NWD2: variants seen among roughly 807,000 people sequenced by gnomAD.
NWD2 encodes NACHT and WD repeat domain-containing protein 2.
NWD2 carries 37 observed loss-of-function variants against 132.7 expected under a neutral mutation model. The ratio of observed to expected loss-of-function variants is 0.28; its 90% CI spans 0.21 to 0.37. The LOEUF is 0.37. Ranked by LOEUF, NWD2 falls within the 10% of genes least tolerant of loss-of-function variation. The pLI, the probability that NWD2 is intolerant of heterozygous loss-of-function variation, is 1.00. For synonymous variants in NWD2, 705 were observed against 803.0 expected (o/e 0.88, Z 2.06); for missense variants, 1,592 against 2,122.4 (o/e 0.75, Z 4.91).
chr4:37,421,305 A>C (rs1314289291), intron 3 of NWD2, among the ~76,000 whole-genome samples: 4 of 152,210 alleles, frequency 2.6e-5, no homozygotes, highest in Non-Finnish European at 5.9e-5. Context: ...TTTGGAGGTA[A>C]TGTAAGCTAA....
intron 2 of NWD2, among the ~76,000 whole-genome samples, chr4:37,338,285 A>G (rs1489090950): frequency 6.6e-6 from 1 of 152,254 alleles, no homozygotes; most frequent in Non-Finnish European, 1.5e-5. Context: ...CCCAGCCGTG[A>G]CTGCCACTAG....
At chr4:37,249,399 T>C (rs1467969394) in intron 1 of NWD2, among the ~76,000 whole-genome samples, 1 of 152,210 alleles carries the variant, frequency 6.6e-6, no homozygotes, top group African/African-American at 2.4e-5. Flanking sequence ...TTTCCCAATA[T>C]TGAACCCAAG....
chr4:37,421,665 A>G (rs1351303), intron 3 of NWD2, among the ~76,000 whole-genome samples: 35,631 of 152,178 alleles, frequency 0.23, 4,988 homozygotes, highest in Middle Eastern at 0.32. Context: ...ATTCTGCTAT[A>G]TGTTAGACGA....
chr4:37,281,603 A>G (rs1445950137), intron 1 of NWD2, among the ~76,000 whole-genome samples: 5 of 152,094 alleles, frequency 3.3e-5, no homozygotes, highest in Non-Finnish European at 5.9e-5. Flanking sequence ...TAACCCTGTG[A>G]GATTCGTCCT....
intron 2 of NWD2, among the ~76,000 whole-genome samples, chr4:37,327,242 T>C (rs1221044018): frequency 6.6e-6 from 1 of 152,130 alleles, no homozygotes; most frequent in African/African-American, 2.4e-5. Flanking sequence ...TTTGCATCAT[T>C]TTTGTCAACA....
At chr4:37,293,841 C>T (rs888452274) in intron 1 of NWD2, among the ~76,000 whole-genome samples, 1 of 149,800 alleles carries the variant, frequency 6.7e-6, no homozygotes, top group African/African-American at 2.5e-5. Flanking sequence ...CTATGTAGTA[C>T]TGGGTAGTAC....
At chr4:37,279,415 ATCATATGTAGAGACAGAAAT>A (rs1718085528) in intron 1 of NWD2, among the ~76,000 whole-genome samples, 2 of 152,180 alleles carry the variant, frequency 1.3e-5, no homozygotes. Context: ...ATCTCCAGAA[ATCATATGTAGAGACAGAAAT>A]TCATTGTAAG....
intron 3 of NWD2, among the ~76,000 whole-genome samples, chr4:37,413,606 C>T (rs1461523232): frequency 1.3e-5 from 2 of 152,158 alleles, no homozygotes; most frequent in South Asian, 4.1e-4. Context: ...TTTGACCCAG[C>T]AATCCCATTA....
intron 3 of NWD2, among the ~76,000 whole-genome samples, chr4:37,357,783 A>G (rs912670380): frequency 3.3e-5 from 5 of 152,164 alleles, no homozygotes; most frequent in Non-Finnish European, 7.3e-5. Flanking sequence ...GAAATGAAAG[A>G]AAAGAGAGAA....
intron 6 of NWD2, among the ~76,000 whole-genome samples, chr4:37,440,802 G>C (rs1272189681): frequency 1.3e-5 from 2 of 151,982 alleles, no homozygotes; most frequent in African/African-American, 4.8e-5. Flanking sequence ...GCCTAAACAG[G>C]ATGAAACTAG....
At position 37,447,377 on chromosome 4, in the gene NWD2, T is replaced by C; in HGVS notation, c.*160T>C. ...ATGAAATGGACAAATAGGTTAGTCT[T>C]GGGTGTGGTCTTTTTGTCAAAGTGT... On this transcript the variant is annotated 3_prime_UTR_variant, in exon 7 of 7. Coordinates refer to ENST00000309447, the MANE Select transcript of NWD2 (RefSeq NM_001144990.2). 1.6e-6 allele frequency: 1 copy of C among 623,326 alleles called. No homozygotes were observed. The highest frequency in any genetic ancestry group is 2.8e-6 in the Non-Finnish European group (1 of 361,752). 38.6% of individuals were successfully genotyped at this position (623,326 alleles called of 1,614,324 possible). A position where few individuals can be genotyped will look rare whatever the true frequency, so the allele number is the denominator to read the frequency against.
intron 3 of NWD2, among the ~76,000 whole-genome samples, chr4:37,393,212 C>A (rs1389796478): frequency 6.7e-6 from 1 of 149,310 alleles, no homozygotes. Context: ...GAGACTCTGA[C>A]CTTGATCAGA....
chr4:37,432,232 T>C (rs1712199507), intron 4 of NWD2, among the ~76,000 whole-genome samples: 2 of 152,168 alleles, frequency 1.3e-5, no homozygotes, highest in African/African-American at 4.8e-5. Context: ...CTACAGCTTC[T>C]AATTCTCTTT....
intron 1 of NWD2, among the ~76,000 whole-genome samples, chr4:37,260,405 T>G (rs1301369348): frequency 6.6e-6 from 1 of 152,112 alleles, no homozygotes; most frequent in Non-Finnish European, 1.5e-5. Context: ...TCCCCAACAG[T>G]GTTATTTGGG....
rs182630170 is a variant in NWD2 at position 37,344,240 on chromosome 4, C to A, written c.241-12126C>A. ...TGTTTTTTGCCAGTTATTGATCATG[C>A]GGATATATGGCATAGCTGTCTGCCC... On this transcript the variant is annotated intron_variant, in intron 2 of 6. Transcript: ENST00000309447. Among the ~76,000 whole-genome samples the A allele has an allele frequency of 1.4e-3, 211 of 152,188 alleles. 1 individual carries two copies. The highest frequency in any genetic ancestry group is 5.0e-3 in the African/African-American group (206 of 41,532).
intron 5 of NWD2, among the ~76,000 whole-genome samples, chr4:37,437,343 C>T (rs563736197): frequency 6.6e-6 from 1 of 152,238 alleles, no homozygotes; most frequent in East Asian, 1.9e-4. Context: ...CAAGGGAACT[C>T]TCTGAGATCT....
chr4:37,265,652 G>A (rs1222841110), intron 1 of NWD2, among the ~76,000 whole-genome samples: 2 of 151,846 alleles, frequency 1.3e-5, no homozygotes, highest in Non-Finnish European at 2.9e-5. Flanking sequence ...CTCTCTCTGT[G>A]ACCTCTGCTT....
chr4:37,281,293 T>C (rs1718123503), intron 1 of NWD2, among the ~76,000 whole-genome samples: 1 of 152,284 alleles, frequency 6.6e-6, no homozygotes, highest in African/African-American at 2.4e-5. Flanking sequence ...CCCCTCTCTT[T>C]TGAACCACGC....
intron 3 of NWD2, among the ~76,000 whole-genome samples, chr4:37,372,084 T>C (rs560654955): frequency 2.6e-5 from 4 of 152,304 alleles, no homozygotes; most frequent in South Asian, 4.1e-4. Context: ...TTAGATAAAA[T>C]CAATTTTTTG....
Sources: gnomAD v4.1 joint callset for allele counts (sites outside exome capture counted in the v4.1 genomes callset) on GRCh38, gnomAD v4.1.1 for gene constraint, MANE v1.5 for transcripts, NCBI Gene and HGNC (gene_info 2026-07-23, HGNC 2026-07-21) for gene names.